TRMT6: variants seen among roughly 807,000 people sequenced by gnomAD.
TRMT6 encodes the protein tRNA methyltransferase 6 non-catalytic subunit, also known as tRNA (adenine(58)-N(1))-methyltransferase non-catalytic subunit TRM6.
A neutral mutation model predicts 59.0 loss-of-function variants in TRMT6; 34 were observed. The ratio of observed to expected loss-of-function variants is 0.58; its 90% CI spans 0.44 to 0.77. TRMT6 has a LOEUF of 0.77. Ranked by LOEUF, TRMT6 falls within the 30% of genes least tolerant of loss-of-function variation. The pLI, the probability that TRMT6 is intolerant of heterozygous loss-of-function variation, is 0.00. For missense variants in TRMT6, 575 were observed against 604.5 expected (o/e 0.95, Z 0.51); for synonymous variants, 217 against 210.5 (o/e 1.03, Z -0.27).
rs2088783298 is a variant in TRMT6, at chr20:5,950,491, G to C, written c.-86C>G. ...CGCCAGCCTCACTTCCCACAACCTG[G>C]CGCACTAGGAGCCCTCCGACCGGCA... On this transcript the variant is annotated 5_prime_UTR_variant, in exon 1 of 11. Transcript: ENST00000203001. 6.9e-7 allele frequency: 1 copy of C among 1,444,160 alleles called. No homozygotes were observed. Among genetic ancestry groups the C allele is most frequent in the Non-Finnish European group, 9.2e-7 (1 of 1,089,496 alleles). 89.5% of individuals were successfully genotyped at this position (1,444,160 alleles called of 1,614,324 possible).
intron 6 of TRMT6, among the ~76,000 whole-genome samples, chr20:5,943,204 A>G (rs1004766155): frequency 6.6e-5 from 10 of 151,728 alleles, no homozygotes; most frequent in African/African-American, 2.2e-4. Flanking sequence ...ATGCTTAGTA[A>G]TCTTCCCACT....
At chr20:5,946,927 C>T (rs1046289454) in intron 1 of TRMT6, among the ~76,000 whole-genome samples, 20 of 152,302 alleles carry the variant, frequency 1.3e-4, no homozygotes, top group African/African-American at 4.6e-4. Flanking sequence ...GACCAGGCAA[C>T]TTGAGGTTTC....
At position 5,938,602 on chromosome 20, in the gene TRMT6, G is replaced by C. The variant is rs745938482; in HGVS notation, c.1427C>G (p.Thr476Ser). 6.2e-7 allele frequency: 1 copy of C among 1,614,246 alleles called. No homozygotes were observed. Among genetic ancestry groups the C allele is most frequent in the Non-Finnish European group, 8.5e-7 (1 of 1,180,034 alleles). ...CTCCTCAGTCTCGTGTGATTCTAAA[G>C]TGCTTGCATTAGATTTGAGGCTGGT... Reference protein sequence around the residue: ...ADTSLKSNASTLESHETEEPA... With the variant: ...ADTSLKSNASSLESHETEEPA... The change falls in exon 11 of 11, where the codon ACT (threonine) becomes AGT (serine). Residue 476 changes from threonine (T) to serine (S), a missense_variant. Physicochemically the swap from Thr to Ser is moderately conservative, Grantham distance 58 (BLOSUM62 1). Transcript: ENST00000203001.
Position 5,938,263 on chromosome 20 carries a change from T to C in TRMT6, c.*272A>G, listed in dbSNP as rs2088624314. On this transcript the variant is annotated 3_prime_UTR_variant, in exon 11 of 11. Transcript: ENST00000203001. ...ACACATTTTTAGGATGTTGAAGTTC[T>C]CAAGATATTTGCACAGAATATTTAG... is the stretch of plus-strand genomic sequence containing the variant. The C allele has an allele frequency of 6.1e-6, 2 of 325,262 alleles. No individual in the cohort carries two copies. Among genetic ancestry groups the C allele is most frequent in the Non-Finnish European group, 1.1e-5 (2 of 179,016 alleles). 20.1% of individuals were successfully genotyped at this position (325,262 alleles called of 1,614,324 possible). A position where few individuals can be genotyped will look rare whatever the true frequency, so the allele number is the denominator to read the frequency against.
chr20:5,939,681 A>T (rs73894087), intron 10 of TRMT6, among the ~76,000 whole-genome samples: 2,068 of 151,988 alleles, frequency 0.014, 42 homozygotes, highest in African/African-American at 0.043. Context: ...GTCTATGGAG[A>T]AGTTGCTACT....
At chr20:5,944,668 G>T in intron 3 of TRMT6, 137 bp downstream of exon 3, 1 of 623,098 alleles carries the variant, frequency 1.6e-6, no homozygotes, top group Non-Finnish European at 2.8e-6. Context: ...TGAGTAACAT[G>T]TACATTTCAA....
chr20:5,941,769 A>G (rs958695908), intron 8 of TRMT6, 182 bp downstream of exon 8: 1 of 632,450 alleles, frequency 1.6e-6, no homozygotes, highest in African/African-American at 1.8e-5. Flanking sequence ...CCCTGAAACC[A>G]GCATCATCAA....
rs777495963 is a variant in TRMT6, at chr20:5,942,324, T to A, written c.1026+104A>T. 1.5e-5 allele frequency: 15 copies of A among 1,001,996 alleles called. No individual in the cohort carries two copies. In the African/African-American group the frequency reaches 1.6e-4, roughly 11 times the overall value. 62.1% of individuals were successfully genotyped at this position (1,001,996 alleles called of 1,614,324 possible). A position where few individuals can be genotyped will look rare whatever the true frequency, so the allele number is the denominator to read the frequency against. On this transcript the variant is annotated intron_variant, in intron 7 of 10. Coordinates refer to ENST00000203001, the MANE Select transcript of TRMT6 (RefSeq NM_015939.5). ...TCGTTCTCTGTTTTGATAGTTATCATCTTGGGAGCTAATACACCAAAGCCA... is the reference window on the plus strand; with the variant it reads ...TCGTTCTCTGTTTTGATAGTTATCAACTTGGGAGCTAATACACCAAAGCCA...
intron 10 of TRMT6, 54 bp from the exon 11 acceptor site, chr20:5,938,780 T>C: frequency 1.4e-6 from 2 of 1,481,022 alleles, no homozygotes; most frequent in Non-Finnish European, 1.9e-6. Flanking sequence ...AAGTCCATGC[T>C]AACAACACAT....
In TRMT6 at chr20:5,937,409, T is replaced by C. The variant is rs1339982262; in HGVS notation, c.*1126A>G. 1 of 152,252 alleles carries C rather than the reference T, an allele frequency of 6.6e-6. No individual in the cohort carries two copies. 9.4% of individuals were successfully genotyped at this position (152,252 alleles called of 1,614,324 possible). ...AACGCAAACGATGACCATGTTCCAG[T>C]GAGCAAGACTCAATCTCTCAAATGA... is the stretch of plus-strand genomic sequence containing the variant. On this transcript the variant is annotated 3_prime_UTR_variant, in exon 11 of 11. Coordinates refer to ENST00000203001, the MANE Select transcript of TRMT6 (RefSeq NM_015939.5).
Position 5,945,708 on chromosome 20 carries a change from A to C in TRMT6, c.256+698T>G, listed in dbSNP as rs562626501. On this transcript the variant is annotated intron_variant, in intron 2 of 10. Transcript: ENST00000203001. Reference sequence around the variant, plus strand: ...AATAACAGGTTTGACTCAAAACTTTAACAGTATTTAACTTCAAATAATTAC... The same window carrying C: ...AATAACAGGTTTGACTCAAAACTTTCACAGTATTTAACTTCAAATAATTAC... 8.7e-4 allele frequency among the ~76,000 whole-genome samples: 132 copies of C among 152,348 alleles called. 1 individual carries two copies. The South Asian group carries it at 0.019, about 22-fold the overall frequency.
Position 5,941,435 on chromosome 20 carries a change from A to C in TRMT6, c.1113-90T>G, listed in dbSNP as rs551900343. On this transcript the variant is annotated intron_variant, in intron 8 of 10. Transcript: ENST00000203001. ...TGCATTTAAAATGATCATGTATTTAATTTGCATGACTCACAAAGAGAAGAG... is the reference window on the plus strand; with the variant it reads ...TGCATTTAAAATGATCATGTATTTACTTTGCATGACTCACAAAGAGAAGAG... 1.5e-4 allele frequency: 138 copies of C among 891,690 alleles called. No individual in the cohort carries two copies. In the East Asian group the frequency reaches 3.3e-3, roughly 22 times the overall value. 55.2% of individuals were successfully genotyped at this position (891,690 alleles called of 1,614,324 possible).
Position 5,941,948 on chromosome 20 carries a change from C to T in TRMT6, c.1112+3G>A. 1.9e-6 allele frequency: 3 copies of T among 1,612,814 alleles called. No individual in the cohort carries two copies. The highest frequency in any genetic ancestry group is 1.1e-5 in the South Asian group (1 of 91,064). The stretch of plus-strand genomic sequence containing the variant: ...AGTCTCCTGCCTTCTTCCATCAACG[C>T]ACCCATCTGCGTTTCTTTCACTCAG... On this transcript the variant is annotated splice_donor_region_variant and intron_variant, in intron 8 of 10. Transcript: ENST00000203001.
chr20:5,938,671 A>G lies in TRMT6; in HGVS notation c.1358T>C (p.Leu453Pro). ...CATGGCAACGGTGAAGCCGGAGAGA[A>G]GATAACCCCCACCTCCACTCATCAG... is the stretch of plus-strand genomic sequence containing the variant. ...KLLMSGGGGY[L>P]LSGFTVAMDN... The change falls in exon 11 of 11, where the codon CTT (leucine) becomes CCT (proline). Residue 453 changes from leucine (L) to proline (P), a missense_variant. Leu to Pro is a moderately conservative substitution (Grantham distance 98). Transcript: ENST00000203001. 1 of 1,614,222 alleles carries G rather than the reference A, an allele frequency of 6.2e-7. No homozygotes were observed. The highest frequency in any genetic ancestry group is 1.3e-5 in the African/African-American group (1 of 75,054).
chr20:5,950,238 G>A, intron 1 of TRMT6, 40 bp downstream of exon 1: 7 of 1,538,206 alleles, frequency 4.6e-6, no homozygotes, highest in Non-Finnish European at 4.4e-6. Flanking sequence ...TATCTACAAG[G>A]TGGGGGCGGG....
At chr20:5,939,868 G>A (rs1044495621) in intron 10 of TRMT6, among the ~76,000 whole-genome samples, 4 of 152,146 alleles carry the variant, frequency 2.6e-5, no homozygotes, top group Non-Finnish European at 5.9e-5. Context: ...GCAATGAGAC[G>A]GGGCCTACGG....
At chr20:5,940,990 C>G in intron 10 of TRMT6, 63 bp downstream of exon 10, 1 of 1,239,152 alleles carries the variant, frequency 8.1e-7, no homozygotes, top group Non-Finnish European at 1.2e-6. Flanking sequence ...ACTTCTAGTA[C>G]TACTGCAAGG....
chr20:5,940,263 A>C (rs1423500026), intron 10 of TRMT6, among the ~76,000 whole-genome samples: 5 of 152,160 alleles, frequency 3.3e-5, no homozygotes, highest in African/African-American at 1.2e-4. Flanking sequence ...AATCTCTTAC[A>C]CTTCAACTTC....
rs746794945 is a variant in TRMT6 at position 5,942,004 on chromosome 20, C to T, written c.1059G>A (p.Gln353=). 12 of 1,613,320 alleles carry T rather than the reference C, an allele frequency of 7.4e-6. No homozygotes were observed. In the Admixed American group the frequency reaches 1.7e-4, roughly 22 times the overall value. Residue 353 remains glutamine (Q), a synonymous_variant, in exon 8 of 11, where the codon CAG becomes CAA. Transcript: ENST00000203001. ...IQEKQRRQEE[Q]RKRHLEAAAL... The stretch of plus-strand genomic sequence containing the variant: ...CGGCAGCCTCTAAATGTCTTTTCCT[C>T]TGCTCTTCTTGTCTCCTCTGTTTTT...
Sources: gnomAD v4.1 joint callset for allele counts (sites outside exome capture counted in the v4.1 genomes callset) on GRCh38, gnomAD v4.1.1 for gene constraint, MANE v1.5 for transcripts, NCBI Gene and HGNC (gene_info 2026-07-23, HGNC 2026-07-21) for gene names.